RGS6: variants seen among roughly 807,000 people sequenced by gnomAD.
RGS6 encodes regulator of G protein signaling 6.
Under a neutral mutation model 78.5 loss-of-function variants are expected in RGS6, and 30 were observed. The ratio of observed to expected loss-of-function variants is 0.38; its 90% CI spans 0.29 to 0.52. The LOEUF (loss-of-function observed/expected upper bound fraction) is 0.52. Among genes scored for constraint, RGS6 ranks in the 20% least tolerant of loss-of-function variants. The pLI is 0.85. For missense variants in RGS6, 495 were observed against 609.7 expected, an observed-to-expected ratio of 0.81 and a Z score of 1.98; for synonymous variants, 206 against 206.0, an observed-to-expected ratio of 1.00 and a Z score of 0.00.
At chr14:72,492,325 G>A (rs1408055656) in intron 12 of RGS6, among the ~76,000 whole-genome samples, 1 of 152,154 alleles carries the variant, frequency 6.6e-6, no homozygotes, top group Non-Finnish European at 1.5e-5. Flanking sequence ...TGATCTACTG[G>A]TAACAGACTG....
Position 72,057,313 on chromosome 14 carries a change from G to GAAA in RGS6, c.84+92463_84+92465dup, listed in dbSNP as rs71109718. 5.5e-4 allele frequency among the ~76,000 whole-genome samples: 31 copies of GAAA among 56,156 alleles called. 1 individual carries two copies. Among genetic ancestry groups the GAAA allele is most frequent in the African/African-American group, 1.8e-3 (24 of 13,468 alleles). 36.8% of individuals were successfully genotyped at this position (56,156 alleles called of 152,430 possible). ...TGAGTGACAGAGTGAGACTCTATCT[G>GAAA]AAAAAAAAAAAAAAAAAAAAAAAAA... On this transcript the variant is annotated intron_variant, in intron 2 of 17. Coordinates refer to ENST00000553525, the MANE Select transcript of RGS6 (RefSeq NM_001204424.2).
At chr14:72,365,512 G>A (rs2082293324) in intron 3 of RGS6, among the ~76,000 whole-genome samples, 1 of 152,118 alleles carries the variant, frequency 6.6e-6, no homozygotes, top group Admixed American at 6.5e-5. Flanking sequence ...TCTACCAGTT[G>A]GAACAGTGAC....
intron 3 of RGS6, among the ~76,000 whole-genome samples, chr14:72,367,949 C>T (rs760736388): frequency 3.3e-5 from 5 of 152,214 alleles, no homozygotes; most frequent in Admixed American, 2.6e-4. Flanking sequence ...AAAGGCCTGT[C>T]TGAAGTTAAT....
intron 17 of RGS6, among the ~76,000 whole-genome samples, chr14:72,554,691 C>T (rs1039326343): frequency 2.0e-5 from 3 of 152,004 alleles, no homozygotes; most frequent in Admixed American, 1.3e-4. Context: ...CAAGAATTTC[C>T]TGCAAGCTGA....
chr14:72,222,820 A>T (rs963285532), intron 2 of RGS6, among the ~76,000 whole-genome samples: 2 of 152,254 alleles, frequency 1.3e-5, no homozygotes, highest in African/African-American at 2.4e-5. Flanking sequence ...AATTTTCTTT[A>T]CTATGGATGC....
chr14:71,989,147 A>G (rs144379570), intron 2 of RGS6, among the ~76,000 whole-genome samples: 6 of 152,354 alleles, frequency 3.9e-5, no homozygotes, highest in African/African-American at 1.2e-4. Flanking sequence ...TGCTTTGGGC[A>G]CGTGAATTGC....
At position 71,985,899 on chromosome 14, in the gene RGS6, G is replaced by A. The variant is rs138120126; in HGVS notation, c.84+21024G>A. Among the ~76,000 whole-genome samples the A allele has an allele frequency of 3.3e-5, 5 of 152,288 alleles. No homozygotes were observed. The East Asian group carries it at 9.6e-4, about 29-fold the overall frequency. ...TTTCAACCTCTTTCTACTCCCCACA[G>A]CATTTTTTCCTGCCTGCACCACCTC... On this transcript the variant is annotated intron_variant, in intron 2 of 17. Coordinates refer to ENST00000553525, the MANE Select transcript of RGS6 (RefSeq NM_001204424.2).
the RGS6 span, among the ~76,000 whole-genome samples, chr14:72,627,698 T>C: frequency 3.3e-5 from 5 of 152,150 alleles, no homozygotes; most frequent in African/African-American, 9.6e-5. Context: ...AGTTTGTTGA[T>C]ATTTTTATTG....
intron 1 of RGS6, among the ~76,000 whole-genome samples, chr14:71,935,411 A>C (rs931266733): frequency 7.9e-5 from 12 of 152,196 alleles, no homozygotes; most frequent in East Asian, 1.9e-4. Flanking sequence ...CCCCTCCCCC[A>C]CACATTTTTA....
intron 2 of RGS6, among the ~76,000 whole-genome samples, chr14:72,259,703 C>G (rs572364255): frequency 1.8e-3 from 279 of 151,074 alleles, no homozygotes; most frequent in African/African-American, 6.4e-3. Flanking sequence ...GTCAGGAGAT[C>G]GACACCATCC....
At chr14:72,550,717 T>C (rs1252897649) in intron 17 of RGS6, 1 of 1,311,708 alleles carries the variant, frequency 7.6e-7, no homozygotes, top group African/African-American at 1.5e-5. Context: ...GTTTTACACC[T>C]GATGGAGGTT....
chr14:72,152,726 G>A (rs756533694), intron 2 of RGS6, among the ~76,000 whole-genome samples: 6 of 152,124 alleles, frequency 3.9e-5, no homozygotes, highest in Non-Finnish European at 8.8e-5. Context: ...TAATGACTGA[G>A]AAGCTCCTCT....
At chr14:72,343,677 G>A (rs1025787085) in intron 2 of RGS6, among the ~76,000 whole-genome samples, 1 of 152,134 alleles carries the variant, frequency 6.6e-6, no homozygotes, top group Admixed American at 6.5e-5. Flanking sequence ...AGGTGAGCCC[G>A]GGCCACCCTG....
intron 2 of RGS6, among the ~76,000 whole-genome samples, chr14:71,994,402 G>T (rs2095103610): frequency 6.6e-6 from 1 of 152,046 alleles, no homozygotes; most frequent in African/African-American, 2.4e-5. Flanking sequence ...TGTAGGACTT[G>T]CAGGATTCCT....
intron 2 of RGS6, among the ~76,000 whole-genome samples, chr14:72,048,234 C>T (rs556591174): frequency 9.2e-5 from 14 of 152,250 alleles, no homozygotes; most frequent in South Asian, 2.1e-4. Flanking sequence ...GTTACCAAAT[C>T]GCTCTTTAAA....
chr14:72,413,167 G>T (rs1347847858), intron 3 of RGS6, among the ~76,000 whole-genome samples: 1 of 152,104 alleles, frequency 6.6e-6, no homozygotes, highest in East Asian at 1.9e-4. Context: ...TGACAGTGGG[G>T]TGTTAAAGTC....
chr14:72,337,417 C>A (rs2238194), intron 2 of RGS6, among the ~76,000 whole-genome samples: 2 of 151,674 alleles, frequency 1.3e-5, no homozygotes, highest in African/African-American at 4.9e-5. Flanking sequence ...AACCCACAAG[C>A]AGAGGAAGGA....
intron 2 of RGS6, among the ~76,000 whole-genome samples, chr14:72,222,459 C>T (rs1224562280): frequency 6.6e-6 from 1 of 152,208 alleles, no homozygotes; most frequent in Non-Finnish European, 1.5e-5. Context: ...CCAAAGATAC[C>T]ATGCAGGGTG....
chr14:72,124,266 T>G (rs2096130549), intron 2 of RGS6, among the ~76,000 whole-genome samples: 1 of 152,224 alleles, frequency 6.6e-6, no homozygotes, highest in South Asian at 2.1e-4. Flanking sequence ...TGTCTGCAGC[T>G]GCATTTTTCA....
Sources: allele counts gnomAD v4.1 joint callset (sites outside exome capture counted in the v4.1 genomes callset), GRCh38; gene constraint gnomAD v4.1.1; transcripts MANE v1.5; gene names NCBI Gene and HGNC (gene_info 2026-07-23, HGNC 2026-07-21).